The following CTNND2 variants were observed in gnomAD, a reference collection of about 807,000 sequenced individuals.
CTNND2 encodes catenin delta-2.
In CTNND2, 22 loss-of-function variants were observed where a neutral mutation model predicts 144.4. That is an observed-to-expected ratio of 0.15 (90% CI 0.11 to 0.22). The LOEUF is 0.22. Among genes scored for constraint, CTNND2 ranks in the 10% least tolerant of loss-of-function variants. CTNND2 has a pLI of 1.00. For synonymous variants in CTNND2, 751 were observed against 695.6 expected (o/e 1.08, Z -1.25); for missense variants, 1,353 against 1,618.8 (o/e 0.84, Z 2.82).
chr5:11,222,787 T>C (rs1391948637), intron 10 of CTNND2, among the ~76,000 whole-genome samples: 2 of 152,114 alleles, frequency 1.3e-5, no homozygotes, highest in Admixed American at 6.5e-5. Flanking sequence ...GCCTGGGAGA[T>C]AGTGAGACCC....
intron 5 of CTNND2, among the ~76,000 whole-genome samples, chr5:11,398,723 C>T (rs1760361300): frequency 6.6e-6 from 1 of 152,116 alleles, no homozygotes; most frequent in South Asian, 2.1e-4. Context: ...CAGTATGTAC[C>T]AGATGGTAAC....
intron 1 of CTNND2, among the ~76,000 whole-genome samples, chr5:11,783,555 T>C (rs1290029749): frequency 1.3e-5 from 2 of 152,062 alleles, no homozygotes; most frequent in Admixed American, 6.5e-5. Context: ...AGCTTGGTTT[T>C]TCATAATGGT....
intron 10 of CTNND2, among the ~76,000 whole-genome samples, chr5:11,214,863 G>A (rs1375146604): frequency 6.6e-6 from 1 of 152,136 alleles, no homozygotes; most frequent in Non-Finnish European, 1.5e-5. Flanking sequence ...ATGATGGTAT[G>A]ACCACCCCTT....
At chr5:11,463,035 A>T (rs1766358369) in intron 3 of CTNND2, among the ~76,000 whole-genome samples, 2 of 152,208 alleles carry the variant, frequency 1.3e-5, no homozygotes, top group African/African-American at 4.8e-5. Flanking sequence ...ATTCCCTTCA[A>T]AGATTAATCA....
chr5:11,354,407 G>A (rs1755649005), intron 8 of CTNND2, among the ~76,000 whole-genome samples: 1 of 152,226 alleles, frequency 6.6e-6, no homozygotes, highest in Non-Finnish European at 1.5e-5. Context: ...ACCTTAGCTG[G>A]CTAAGGGCCT....
chr5:11,422,274 AG>A (rs1193287237), intron 3 of CTNND2, among the ~76,000 whole-genome samples: 1 of 152,250 alleles, frequency 6.6e-6, no homozygotes, highest in Non-Finnish European at 1.5e-5. Context: ...TTATAAAAAA[AG>A]ATGATTTGCT....
chr5:11,078,154 A>C (rs1181984422), intron 16 of CTNND2, among the ~76,000 whole-genome samples: 2 of 152,190 alleles, frequency 1.3e-5, no homozygotes, highest in African/African-American at 2.4e-5. Context: ...GCCTTCTGTG[A>C]GAGGTGATGG....
chr5:11,218,451 G>T (rs61750741), intron 10 of CTNND2, among the ~76,000 whole-genome samples: 109 of 152,216 alleles, frequency 7.2e-4, no homozygotes, highest in African/African-American at 2.6e-3. Context: ...CTACATAAAA[G>T]TTTTGGGCCA....
At chr5:11,228,918 A>G (rs1283645474) in intron 10 of CTNND2, among the ~76,000 whole-genome samples, 2 of 152,210 alleles carry the variant, frequency 1.3e-5, no homozygotes, top group African/African-American at 4.8e-5. Context: ...GTTTTATAGC[A>G]GTTAGGATGA....
chr5:11,701,492 C>T (rs763933254), intron 2 of CTNND2, among the ~76,000 whole-genome samples: 7 of 152,230 alleles, frequency 4.6e-5, no homozygotes, highest in African/African-American at 9.6e-5. Flanking sequence ...ATTCAATATT[C>T]GTATTTATTC....
intron 11 of CTNND2, among the ~76,000 whole-genome samples, chr5:11,168,147 A>T (rs1560959623): frequency 6.6e-6 from 1 of 152,198 alleles, no homozygotes; most frequent in Non-Finnish European, 1.5e-5. Flanking sequence ...ATCAAAACTC[A>T]GATGTATCTA....
intron 8 of CTNND2, among the ~76,000 whole-genome samples, chr5:11,358,230 A>G (rs1379322563): frequency 2.0e-5 from 3 of 152,174 alleles, no homozygotes; most frequent in Non-Finnish European, 2.9e-5. Context: ...TATTTGTACA[A>G]AAGTATGACA....
chr5:11,224,921 T>C (rs555962091), intron 10 of CTNND2, among the ~76,000 whole-genome samples: 2 of 152,314 alleles, frequency 1.3e-5, no homozygotes, highest in South Asian at 4.1e-4. Context: ...TTTTGGATTA[T>C]TACAAGAGGC....
rs559442934 is a variant in CTNND2, at chr5:11,589,011, G to A, written c.175-23955C>T. The A allele has an allele frequency of 4.7e-5, 46 of 985,234 alleles. No homozygotes were observed. In the East Asian group the frequency reaches 2.2e-3, roughly 46 times the overall value. 61.0% of individuals were successfully genotyped at this position (985,234 alleles called of 1,614,324 possible). A position where few individuals can be genotyped will look rare whatever the true frequency, so the allele number is the denominator to read the frequency against. ...CCTATGGTAATTTCTGCTTTCACTC[G>A]CAAACAGTTTAAAAGAAAGCAAAGC... is the stretch of plus-strand genomic sequence containing the variant. On this transcript the variant is annotated intron_variant, in intron 2 of 21. Coordinates refer to ENST00000304623, the MANE Select transcript of CTNND2 (RefSeq NM_001332.4).
intron 11 of CTNND2, among the ~76,000 whole-genome samples, chr5:11,167,767 C>A (rs1253110846): frequency 6.6e-6 from 1 of 151,116 alleles, no homozygotes; most frequent in East Asian, 1.9e-4. Context: ...GTGATCATGG[C>A]TCACATGGCT....
chr5:11,095,234 A>G (rs1481428294), intron 15 of CTNND2, among the ~76,000 whole-genome samples: 1 of 152,214 alleles, frequency 6.6e-6, no homozygotes, highest in South Asian at 2.1e-4. Flanking sequence ...CGGAAATCTC[A>G]GCACAGTAGG....
chr5:11,113,268 A>G (rs965073648), intron 13 of CTNND2, among the ~76,000 whole-genome samples: 3 of 152,216 alleles, frequency 2.0e-5, no homozygotes, highest in African/African-American at 7.2e-5. Context: ...CTAAAATACT[A>G]GTTGTAATAA....
At chr5:11,142,739 G>A (rs1004977221) in intron 12 of CTNND2, among the ~76,000 whole-genome samples, 25 of 150,504 alleles carry the variant, frequency 1.7e-4, no homozygotes, top group Non-Finnish European at 2.7e-4. Context: ...TCAGCCTCCC[G>A]TGTAGCTGGG....
At chr5:11,682,754 C>G (rs1784473779) in intron 2 of CTNND2, among the ~76,000 whole-genome samples, 1 of 152,130 alleles carries the variant, frequency 6.6e-6, no homozygotes, top group Non-Finnish European at 1.5e-5. Flanking sequence ...ATACAAGGGT[C>G]CTTGCTCTTG....
Sources: allele counts gnomAD v4.1 joint callset (sites outside exome capture counted in the v4.1 genomes callset), GRCh38; gene constraint gnomAD v4.1.1; transcripts MANE v1.5; gene names NCBI Gene and HGNC (gene_info 2026-07-23, HGNC 2026-07-21).